The following KIRREL3 variants were observed in gnomAD, a reference collection of about 807,000 sequenced individuals.
The protein encoded by KIRREL3 is kin of IRRE-like protein 3.
KIRREL3 carries 36 observed loss-of-function variants against 89.7 expected under a neutral mutation model. That is an observed-to-expected ratio of 0.40 (90% confidence interval 0.31 to 0.53). The LOEUF (loss-of-function observed/expected upper bound fraction) is 0.53. KIRREL3 is among the 20% of genes least tolerant of loss of function. KIRREL3 has a pLI of 0.49. For synonymous variants in KIRREL3, 445 were observed against 441.4 expected, an observed-to-expected ratio of 1.01 and a Z score of -0.10; for missense variants, 864 against 1,056.6, an observed-to-expected ratio of 0.82 and a Z score of 2.53.
Position 126,490,512 on chromosome 11 carries a change from C to T in KIRREL3, c.434-17046G>A, listed in dbSNP as rs565580514. Among the ~76,000 whole-genome samples the T allele has an allele frequency of 7.2e-5, 11 of 152,112 alleles. No individual in the cohort carries two copies. In the East Asian group the frequency reaches 2.1e-3, roughly 29 times the overall value. On this transcript the variant is annotated intron_variant, in intron 4 of 16. Coordinates refer to ENST00000525144, the MANE Select transcript of KIRREL3 (RefSeq NM_032531.4). The surrounding 1 kb of genome is among the most constrained non-coding windows in gnomAD (Gnocchi z 4.2). ...TGAGATACAACCTCAGTGAACAAGCCACTGGGCCAGGGATGCAGAGCTGTG... is the reference window on the plus strand; with the variant it reads ...TGAGATACAACCTCAGTGAACAAGCTACTGGGCCAGGGATGCAGAGCTGTG...
In KIRREL3 at chr11:126,664,757, A is replaced by G. The variant is rs957788723; in HGVS notation, c.56-101845T>C. ...GGTCCTGGGAGGCTGTTTCAATGAC[A>G]TCTCATAGAGACACTTTCCTTTCTA... On this transcript the variant is annotated intron_variant, in intron 1 of 16. Transcript: ENST00000525144. This position sits in a 1 kb window ranked among gnomAD's most constrained non-coding sequence, Gnocchi z 5.4. Among the ~76,000 whole-genome samples the G allele has an allele frequency of 6.6e-6, 1 of 152,176 alleles. No homozygotes were observed. Among genetic ancestry groups the G allele is most frequent in the African/African-American group, 2.4e-5 (1 of 41,426 alleles).
chr11:126,522,418 C>T lies in KIRREL3; in HGVS notation c.284-954G>A, dbSNP rs376238400. 7.9e-5 allele frequency among the ~76,000 whole-genome samples: 12 copies of T among 152,326 alleles called. No homozygotes were observed. In the South Asian group the frequency reaches 1.0e-3, roughly 13 times the overall value. ...TCCAGTGTCTAGGAACCTTGGGTCA[C>T]TTTGAGTCACAGTGGACCCTGTCTA... On this transcript the variant is annotated intron_variant, in intron 3 of 16. Transcript: ENST00000525144. This position sits in a 1 kb window ranked among gnomAD's most constrained non-coding sequence, Gnocchi z 6.0.
chr11:126,805,390 A>T lies in KIRREL3; in HGVS notation c.55+195065T>A, dbSNP rs1951172162. Reference sequence around the variant, plus strand: ...GGGTGGAGGAGATTTAATTACTCAGATGCTCTTATGCTCCTCAAAGGTCCT... The same window carrying T: ...GGGTGGAGGAGATTTAATTACTCAGTTGCTCTTATGCTCCTCAAAGGTCCT... On this transcript the variant is annotated intron_variant, in intron 1 of 16. Coordinates refer to ENST00000525144, the MANE Select transcript of KIRREL3 (RefSeq NM_032531.4). The surrounding 1 kb of genome is among the most constrained non-coding windows in gnomAD (Gnocchi z 4.3). Among the ~76,000 whole-genome samples the T allele has an allele frequency of 6.6e-6, 1 of 152,126 alleles. No individual in the cohort carries two copies. Among genetic ancestry groups the T allele is most frequent in the African/African-American group, 2.4e-5 (1 of 41,418 alleles).
At position 126,686,759 on chromosome 11, in the gene KIRREL3, T is replaced by C. The variant is rs529330468; in HGVS notation, c.56-123847A>G. 8.5e-5 allele frequency among the ~76,000 whole-genome samples: 13 copies of C among 152,160 alleles called. No homozygotes were observed. The highest frequency in any genetic ancestry group is 8.3e-4 in the South Asian group (4 of 4,798). Reference sequence around the variant, plus strand: ...CACCCCTGGCTAATTTCTGTATTTTTAGTAGAGATGGGGCTTCGCATGTTG... The same window carrying C: ...CACCCCTGGCTAATTTCTGTATTTTCAGTAGAGATGGGGCTTCGCATGTTG... On this transcript the variant is annotated intron_variant, in intron 1 of 16. Coordinates refer to ENST00000525144, the MANE Select transcript of KIRREL3 (RefSeq NM_032531.4). The surrounding 1 kb of genome is among the most constrained non-coding windows in gnomAD (Gnocchi z 4.7).
rs773264782 is a variant in KIRREL3 at position 126,953,427 on chromosome 11, C to T, written c.55+47028G>A. Among the ~76,000 whole-genome samples the T allele has an allele frequency of 1.1e-4, 17 of 152,074 alleles. No individual in the cohort carries two copies. The highest frequency in any genetic ancestry group is 7.2e-4 in the Admixed American group (11 of 15,270). Reference sequence around the variant, plus strand: ...AGCAAACCATCATGGCATGTGTATACCTTTGTAACAAACTGTACATTCTGC... The same window carrying T: ...AGCAAACCATCATGGCATGTGTATATCTTTGTAACAAACTGTACATTCTGC... On this transcript the variant is annotated intron_variant, in intron 1 of 16. Transcript: ENST00000525144. The surrounding 1 kb of genome is among the most constrained non-coding windows in gnomAD (Gnocchi z 5.2).
intron 1 of KIRREL3, among the ~76,000 whole-genome samples, chr11:126,975,002 G>C (rs550272145): frequency 6.6e-6 from 1 of 152,078 alleles, no homozygotes; most frequent in Admixed American, 6.6e-5. Flanking sequence ...GTAGAGGTGG[G>C]GTTTCACCAT....
chr11:126,859,096 C>G (rs1944627331), intron 1 of KIRREL3, among the ~76,000 whole-genome samples: 1 of 152,128 alleles, frequency 6.6e-6, no homozygotes, highest in African/African-American at 2.4e-5. Flanking sequence ...AACTGTTGAC[C>G]TTTGCTGAGC....
chr11:126,447,034 T>G (rs1458992610), intron 8 of KIRREL3, 148 bp from the exon 9 acceptor site: 1 of 998,256 alleles, frequency 1.0e-6, no homozygotes, highest in Admixed American at 2.5e-5. Flanking sequence ...CCATTTTAAG[T>G]CTTATGTCCG....
rs1956875368 is a variant in KIRREL3, at chr11:126,471,076, G to A, written c.591+2233C>T. Among the ~76,000 whole-genome samples, 2 of 152,084 alleles carry A rather than the reference G, an allele frequency of 1.3e-5. No individual in the cohort carries two copies. Among genetic ancestry groups the A allele is most frequent in the African/African-American group, 2.4e-5 (1 of 41,398 alleles). On this transcript the variant is annotated intron_variant, in intron 5 of 16. Coordinates refer to ENST00000525144, the MANE Select transcript of KIRREL3 (RefSeq NM_032531.4). This position sits in a 1 kb window ranked among gnomAD's most constrained non-coding sequence, Gnocchi z 5.4. ...AACTGCCGTTGAAAAGACAGTTTGC[G>A]GCCGGGCGCAGTGGCTCAGTCCTGT...
intron 13 of KIRREL3, among the ~76,000 whole-genome samples, chr11:126,434,163 C>G (rs1352242938): frequency 6.6e-6 from 1 of 152,244 alleles, no homozygotes; most frequent in Admixed American, 6.5e-5. Context: ...GGCCCCTCCT[C>G]TCTGCACAGA....
chr11:126,781,783 C>G (rs1285123544), intron 1 of KIRREL3, among the ~76,000 whole-genome samples: 3 of 152,074 alleles, frequency 2.0e-5, no homozygotes, highest in Non-Finnish European at 4.4e-5. Flanking sequence ...TCTTAGCTCT[C>G]AAGAATAAAA....
At chr11:126,688,305 T>A (rs1009905759) in intron 1 of KIRREL3, among the ~76,000 whole-genome samples, 3 of 152,234 alleles carry the variant, frequency 2.0e-5, no homozygotes, top group Non-Finnish European at 4.4e-5. Context: ...ATAAGCGATA[T>A]TGATTGCAAA....
intron 1 of KIRREL3, among the ~76,000 whole-genome samples, chr11:126,967,853 C>A (rs2135202503): frequency 6.6e-6 from 1 of 152,190 alleles, no homozygotes; most frequent in South Asian, 2.1e-4. Flanking sequence ...GGTAGCTAAA[C>A]CTCTTACAAT....
chr11:126,966,872 G>A (rs185254617), intron 1 of KIRREL3, among the ~76,000 whole-genome samples: 116 of 152,286 alleles, frequency 7.6e-4, no homozygotes, highest in African/African-American at 2.6e-3. Flanking sequence ...GCTGTCCTCA[G>A]TAAACAAGAA....
At chr11:126,453,126 C>A (rs554171812) in intron 7 of KIRREL3, among the ~76,000 whole-genome samples, 237 of 134,008 alleles carry the variant, frequency 1.8e-3, no homozygotes, top group African/African-American at 5.9e-3. Flanking sequence ...TCAGCTTAAG[C>A]CTCTCCCAAT....
In KIRREL3 at chr11:126,876,318, C is replaced by G. The variant is rs1339365287; in HGVS notation, c.55+124137G>C. On this transcript the variant is annotated intron_variant, in intron 1 of 16. Coordinates refer to ENST00000525144, the MANE Select transcript of KIRREL3 (RefSeq NM_032531.4). The surrounding 1 kb of genome is among the most constrained non-coding windows in gnomAD (Gnocchi z 4.1). ...CGATCTCTAGACTCAGTTTCTCAGC[C>G]TGAAGGCACGGACTACAGAAAGGGA... Among the ~76,000 whole-genome samples, 1 of 152,138 alleles carries G rather than the reference C, an allele frequency of 6.6e-6. No individual in the cohort carries two copies. Among genetic ancestry groups the G allele is most frequent in the Non-Finnish European group, 1.5e-5 (1 of 68,038 alleles).
rs1361107163 is a variant in KIRREL3 at position 126,923,131 on chromosome 11, CTTCTTCTTCTTCTTCTTCTTCTTCTTCTT to C, written c.55+77295_55+77323del. On this transcript the variant is annotated intron_variant, in intron 1 of 16. Transcript: ENST00000525144. ...TTCTCCTTCTCCTTCTCCTTCTTCT[CTTCTTCTTCTTCTTCTTCTTCTTCTTCTT>C]CTTCTTCTTCTTCTTCTCTTCTTCT... is the stretch of plus-strand genomic sequence containing the variant. Among the ~76,000 whole-genome samples, 67 of 32,876 alleles carry C rather than the reference CTTCTTCTTCTTCTTCTTCTTCTTCTTCTT, an allele frequency of 2.0e-3. 6 individuals carry two copies. Among genetic ancestry groups the C allele is most frequent in the Middle Eastern group, 0.016 (1 of 62 alleles). The allele number at this position is 32,876 out of a possible 152,430, so 21.6% of individuals were successfully genotyped here. A position where few individuals can be genotyped will look rare whatever the true frequency, so the allele number is the denominator to read the frequency against.
chr11:126,659,079 A>G (rs1169203012), intron 1 of KIRREL3, among the ~76,000 whole-genome samples: 2 of 152,164 alleles, frequency 1.3e-5, no homozygotes, highest in East Asian at 1.9e-4. Flanking sequence ...TCTAGTCTAA[A>G]CCACTTCTTA....
chr11:126,580,111 C>G (rs1261043054), intron 1 of KIRREL3, among the ~76,000 whole-genome samples: 1 of 152,220 alleles, frequency 6.6e-6, no homozygotes, highest in African/African-American at 2.4e-5. Context: ...TCCCAAAGTG[C>G]TGGGATTACA....
Sources: gnomAD v4.1 joint callset for allele counts (sites outside exome capture counted in the v4.1 genomes callset) on GRCh38, gnomAD v4.1.1 for gene constraint, Gnocchi (gnomAD v3.1) non-coding constraint, MANE v1.5 for transcripts, NCBI Gene and HGNC (gene_info 2026-07-23, HGNC 2026-07-21) for gene names.